The following ANKRD30B variants were observed in gnomAD, a reference collection of about 807,000 sequenced individuals.
ANKRD30B encodes the protein ankyrin repeat domain 30B.
In ANKRD30B, 144 loss-of-function variants were observed where a neutral mutation model predicts 202.2. The ratio of observed to expected loss-of-function variants is 0.71; its 90% CI spans 0.62 to 0.82. ANKRD30B has a LOEUF of 0.82. Ranked by LOEUF, ANKRD30B falls within the 40% of genes least tolerant of loss-of-function variation. ANKRD30B has a pLI of 0.00. For missense variants in ANKRD30B, 1,487 were observed against 1,669.1 expected, an observed-to-expected ratio of 0.89 and a Z score of 1.90; for synonymous variants, 508 against 561.3, an observed-to-expected ratio of 0.91 and a Z score of 1.34.
Position 14,784,365 on chromosome 18 carries a change from G to T in ANKRD30B, c.1599+1G>T, listed in dbSNP as rs1469665369. Reference sequence around the variant, plus strand: ...TCCTGAGAAGCCATCTGCCTTCAAGGTATTTAGTTTTATGGTTTCATTTTG... The same window carrying T: ...TCCTGAGAAGCCATCTGCCTTCAAGTTATTTAGTTTTATGGTTTCATTTTG... On this transcript the variant is annotated splice_donor_variant, in intron 13 of 43. Transcript: ENST00000690538. LOFTEE classifies it high-confidence loss of function. The T allele has an allele frequency of 1.2e-6, 2 of 1,612,646 alleles. No individual in the cohort carries two copies. The highest frequency in any genetic ancestry group is 1.7e-6 in the Non-Finnish European group (2 of 1,179,194).
intron 14 of ANKRD30B, among the ~76,000 whole-genome samples, chr18:14,784,808 TAA>T (rs1967976419): frequency 6.8e-6 from 1 of 146,846 alleles, no homozygotes. Context: ...CTGTATTTCT[TAA>T]AGATTCAAGA....
intron 4 of ANKRD30B, among the ~76,000 whole-genome samples, chr18:14,755,309 T>C (rs1394326295): frequency 3.9e-5 from 6 of 152,132 alleles, no homozygotes; most frequent in Non-Finnish European, 5.9e-5. Flanking sequence ...GTATGAACTT[T>C]TTTAGTTTGC....
At chr18:14,836,184 A>G (rs1266020256) in intron 34 of ANKRD30B, among the ~76,000 whole-genome samples, 1 of 152,090 alleles carries the variant, frequency 6.6e-6, no homozygotes, top group African/African-American at 2.4e-5. Flanking sequence ...CTCATACTCC[A>G]AATGTATTTA....
chr18:14,932,584 C>T, the ANKRD30B span, among the ~76,000 whole-genome samples: 4 of 152,054 alleles, frequency 2.6e-5, no homozygotes, highest in African/African-American at 7.2e-5. Flanking sequence ...GTGATCCGCC[C>T]GCTTCCCCCT....
the ANKRD30B span, among the ~76,000 whole-genome samples, chr18:14,918,284 A>C: frequency 6.6e-6 from 1 of 152,284 alleles, no homozygotes; most frequent in Admixed American, 6.5e-5. Flanking sequence ...CTGAGGCATA[A>C]GCTTGTAAGG....
chr18:14,824,088 G>C (rs1415788022), intron 32 of ANKRD30B, among the ~76,000 whole-genome samples: 4 of 141,868 alleles, frequency 2.8e-5, no homozygotes, highest in Non-Finnish European at 4.6e-5. Flanking sequence ...GTTGTACACT[G>C]TACATATTAT....
In ANKRD30B at chr18:14,840,639, T is replaced by C; in HGVS notation, c.3040T>C (p.Tyr1014His). Residue 1014 changes from tyrosine (Y) to histidine (H), a missense_variant, in exon 37 of 44, where the codon TAT becomes CAT. Tyr to His is a moderately conservative substitution (Grantham distance 83). Transcript: ENST00000690538. The part of the protein sequence containing the change: ...QNYECLPEAT[Y>H]QKEIKTTNGK... ...TTATGAGTGTTTACCTGAGGCTACA[T>C]ATCAAAAAGAAATAAAGACAACAAA... is the stretch of plus-strand genomic sequence containing the variant. The C allele has an allele frequency of 6.5e-7, 1 of 1,538,100 alleles. No homozygotes were observed.
rs534921931 is a variant in ANKRD30B, at chr18:14,756,464, T to C, written c.618-1351T>C. Among the ~76,000 whole-genome samples, 386 of 152,298 alleles carry C rather than the reference T, an allele frequency of 2.5e-3. 2 individuals carry two copies. The highest frequency in any genetic ancestry group is 8.8e-3 in the African/African-American group (366 of 41,554). ...TTGCCATTGCTTTTGGTGTTTTAGATGTGAAGTCCTTGCCCATGCCTATGT... is the reference window on the plus strand; with the variant it reads ...TTGCCATTGCTTTTGGTGTTTTAGACGTGAAGTCCTTGCCCATGCCTATGT... On this transcript the variant is annotated intron_variant, in intron 4 of 43. Transcript: ENST00000690538.
At chr18:14,763,611 A>G (rs1365118868) in intron 6 of ANKRD30B, 75 bp from the exon 7 acceptor site, 18 of 1,560,956 alleles carry the variant, frequency 1.2e-5, no homozygotes, top group Middle Eastern at 2.1e-4. Context: ...CAGAATAAGT[A>G]GAAGTTTGCC....
intron 4 of ANKRD30B, among the ~76,000 whole-genome samples, chr18:14,755,731 A>G (rs956869769): frequency 6.6e-6 from 1 of 152,034 alleles, no homozygotes; most frequent in Non-Finnish European, 1.5e-5. Context: ...AAGGACATGA[A>G]CTCATCATTT....
chr18:14,847,456 C>T (rs942359275), intron 39 of ANKRD30B, among the ~76,000 whole-genome samples: 1 of 132,254 alleles, frequency 7.6e-6, no homozygotes, highest in Non-Finnish European at 1.6e-5. Flanking sequence ...TACATATTAC[C>T]TGCTGGGAGT....
chr18:14,799,798 C>A (rs769819316), intron 22 of ANKRD30B, among the ~76,000 whole-genome samples: 15 of 151,920 alleles, frequency 9.9e-5, no homozygotes, highest in Non-Finnish European at 1.6e-4. Flanking sequence ...CTTGATGATT[C>A]TTTGCTAGAT....
chr18:14,866,673 TGTGGGGTGGTG>T, the ANKRD30B span, among the ~76,000 whole-genome samples: 1 of 151,724 alleles, frequency 6.6e-6, no homozygotes, highest in Non-Finnish European at 1.5e-5. Context: ...ACTGCCCGCT[TGTGGGGTGGTG>T]GTGGGGTGGG....
At position 14,853,918 on chromosome 18, in the gene ANKRD30B, A is replaced by T. The variant is rs1170403059; in HGVS notation, c.*8A>T. On this transcript the variant is annotated 3_prime_UTR_variant, in exon 43 of 44. Transcript: ENST00000690538. ...TCTCTGAGGCATCAATAGAGGCTAC[A>T]TCACATTATCACATTAATCTCAAAG... Among the ~76,000 whole-genome samples, 1 of 152,220 alleles carries T rather than the reference A, an allele frequency of 6.6e-6. No homozygotes were observed. The highest frequency in any genetic ancestry group is 1.5e-5 in the Non-Finnish European group (1 of 68,034).
At chr18:14,922,511 C>T in the ANKRD30B span, among the ~76,000 whole-genome samples, 26 of 151,686 alleles carry the variant, frequency 1.7e-4, no homozygotes, top group Non-Finnish European at 3.1e-4. Context: ...AAAAATTAGC[C>T]GGGCGTGGTG....
intron 5 of ANKRD30B, among the ~76,000 whole-genome samples, chr18:14,758,168 C>T (rs1277440504): frequency 6.6e-6 from 1 of 152,112 alleles, no homozygotes; most frequent in African/African-American, 2.4e-5. Context: ...AGTATAACCC[C>T]TAGGCTCGGG....
intron 36 of ANKRD30B, among the ~76,000 whole-genome samples, chr18:14,838,610 A>G (rs1227314205): frequency 6.6e-6 from 1 of 152,188 alleles, no homozygotes; most frequent in Non-Finnish European, 1.5e-5. Context: ...TTCCAAGGTC[A>G]CAACTGTGGA....
At chr18:14,879,590 G>A in the ANKRD30B span, among the ~76,000 whole-genome samples, 2 of 152,056 alleles carry the variant, frequency 1.3e-5, no homozygotes, top group African/African-American at 2.4e-5. Flanking sequence ...TAAATTTAGG[G>A]TTTAGGGGTT....
the ANKRD30B span, among the ~76,000 whole-genome samples, chr18:14,916,485 GC>G: frequency 4.9e-5 from 6 of 121,514 alleles, no homozygotes; most frequent in Admixed American, 9.2e-5. Context: ...AGAGGGAGAT[GC>G]CTCCAGCTGG....
Sources: gnomAD v4.1 joint callset for allele counts (sites outside exome capture counted in the v4.1 genomes callset) on GRCh38, gnomAD v4.1.1 for gene constraint, MANE v1.5 for transcripts, NCBI Gene and HGNC (gene_info 2026-07-23, HGNC 2026-07-21) for gene names.